Variants in ERCC2 observed in about 807,000 individuals in gnomAD.
The protein encoded by ERCC2 is ERCC excision repair 2, TFIIH core complex helicase subunit, also known as general transcription and DNA repair factor IIH helicase subunit XPD.
ERCC2 carries 90 observed loss-of-function variants against 99.4 expected under a neutral mutation model. The ratio of observed to expected loss-of-function variants is 0.91; its 90% CI spans 0.76 to 1.08. ERCC2 has a LOEUF of 1.08. Among genes scored for constraint, ERCC2 ranks in the 50% least tolerant of loss-of-function variants. The pLI is 0.00. For missense variants in ERCC2, 993 were observed against 1,038.1 expected, an observed-to-expected ratio of 0.96 and a Z score of 0.60; for synonymous variants, 497 against 432.4, an observed-to-expected ratio of 1.15 and a Z score of -1.85.
At chr19:45,369,266 G>A in intron 2 of ERCC2, 119 bp from the exon 3 acceptor site, 2 of 803,786 alleles carry the variant, frequency 2.5e-6, no homozygotes. Context: ...TAACACAGCA[G>A]CAGTTAAGAT....
Position 45,350,469 on chromosome 19 carries a change from G to A in ERCC2, c.*1160C>T. ...CCCCTGTCTGTCTTCCCTCCTGGTG[G>A]CTTCTCTATGTCCCCATCTCAGTGT... On this transcript the variant is annotated 3_prime_UTR_variant, in exon 23 of 23. Coordinates refer to ENST00000391945, the MANE Select transcript of ERCC2 (RefSeq NM_000400.4). 1 of 1,613,350 alleles carries A rather than the reference G, an allele frequency of 6.2e-7. No homozygotes were observed. Among genetic ancestry groups the A allele is most frequent in the Non-Finnish European group, 8.5e-7 (1 of 1,179,482 alleles).
At chr19:45,367,593 C>G (rs1972472790) in intron 5 of ERCC2, among the ~76,000 whole-genome samples, 1 of 151,166 alleles carries the variant, frequency 6.6e-6, no homozygotes, top group Non-Finnish European at 1.5e-5. Flanking sequence ...TCTCGGCTCA[C>G]TGCAACCTCC....
In ERCC2 at chr19:45,351,255, C is replaced by A; in HGVS notation, c.*374G>T. 1 of 1,605,454 alleles carries A rather than the reference C, an allele frequency of 6.2e-7. No individual in the cohort carries two copies. Among genetic ancestry groups the A allele is most frequent in the Non-Finnish European group, 8.5e-7 (1 of 1,176,092 alleles). On this transcript the variant is annotated 3_prime_UTR_variant, in exon 23 of 23. Transcript: ENST00000391945. ...GGATGTAACACTTGCCCCTCACCTCCCCTCCAACCATCCCCTGTGCCTGTC... is the reference window on the plus strand; with the variant it reads ...GGATGTAACACTTGCCCCTCACCTCACCTCCAACCATCCCCTGTGCCTGTC...
intron 22 of ERCC2, 29 bp from the exon 23 acceptor site, chr19:45,351,750 G>A (rs1361251672): frequency 6.2e-7 from 1 of 1,602,792 alleles, no homozygotes; most frequent in Non-Finnish European, 8.5e-7. Flanking sequence ...AGGGAGAGGG[G>A]GGCACTGTTG....
At chr19:45,362,313 G>A (rs908902790) in intron 11 of ERCC2, among the ~76,000 whole-genome samples, 18 of 152,262 alleles carry the variant, frequency 1.2e-4, no homozygotes, top group South Asian at 6.2e-4. Context: ...ACATGGTCAC[G>A]CATTCACACC....
At chr19:45,361,766 G>T in intron 11 of ERCC2, 124 bp from the exon 12 acceptor site, 1 of 763,038 alleles carries the variant, frequency 1.3e-6, no homozygotes, top group Non-Finnish European at 2.3e-6. Flanking sequence ...CAGTGAGGGT[G>T]GGCACTGGGC....
intron 5 of ERCC2, among the ~76,000 whole-genome samples, chr19:45,366,751 T>C (rs1008569557): frequency 6.6e-6 from 1 of 152,210 alleles, no homozygotes; most frequent in Non-Finnish European, 1.5e-5. Context: ...CTCTTTGTCA[T>C]CCACTAGATG....
In ERCC2 at chr19:45,350,447, C is replaced by T. The variant is rs1971679593; in HGVS notation, c.*1182G>A. The T allele has an allele frequency of 6.2e-7, 1 of 1,613,328 alleles. No individual in the cohort carries two copies. On this transcript the variant is annotated 3_prime_UTR_variant, in exon 23 of 23. Transcript: ENST00000391945. ...GCCCCTCTCGGTGAGCCCCTAGCCC[C>T]TGTCTGTCTTCCCTCCTGGTGGCTT...
Position 45,353,153 on chromosome 19 carries a change from G to A in ERCC2, c.1761C>T (p.Ala587=), listed in dbSNP as rs1222833045. ...GGATGGCCCCGCGGCCATTCTCGCA[G>A]GCCTGAGGTGGGGAGACCGAGACGC... is the stretch of plus-strand genomic sequence containing the variant. ...TSVALEKYQE[A]CENGRGAILL... Residue 587 remains alanine, a splice_region_variant and synonymous_variant, in exon 19 of 23, where the codon GCC becomes GCT. Coordinates refer to ENST00000391945, the MANE Select transcript of ERCC2 (RefSeq NM_000400.4). 5 of 1,613,806 alleles carry A rather than the reference G, an allele frequency of 3.1e-6. No homozygotes were observed. In the Admixed American group the frequency reaches 6.7e-5, roughly 22 times the overall value.
chr19:45,352,186 C>A (rs371393292), intron 22 of ERCC2, 23 bp downstream of exon 22: 6 of 1,612,162 alleles, frequency 3.7e-6, no homozygotes, highest in Non-Finnish European at 5.1e-6. Context: ...GGGAGGGTGC[C>A]GGGAGGGGGA....
At chr19:45,359,778 CTCT>C (rs368930991) in intron 12 of ERCC2, among the ~76,000 whole-genome samples, 1,970 of 151,450 alleles carry the variant, frequency 0.013, 30 homozygotes, top group African/African-American at 0.033. Flanking sequence ...GCCAGAAGAA[CTCT>C]TTTTTTTTTT....
intron 21 of ERCC2, 28 bp from the exon 22 acceptor site, chr19:45,352,380 A>G: frequency 6.2e-7 from 1 of 1,613,816 alleles, no homozygotes; most frequent in Non-Finnish European, 8.5e-7. Context: ...GGCCAGGGAC[A>G]GAAGGTCATT....
rs1460876382 is a variant in ERCC2 at position 45,351,500 on chromosome 19, G to A, written c.*129C>T. On this transcript the variant is annotated 3_prime_UTR_variant, in exon 23 of 23. Transcript: ENST00000391945. ...ATAGCTGCCTTCTCCTGCGATTAAA[G>A]GCTGTGGACGTGACAGTGAGAAATG... is the stretch of plus-strand genomic sequence containing the variant. 1.9e-6 allele frequency: 3 copies of A among 1,594,490 alleles called. No individual in the cohort carries two copies. The highest frequency in any genetic ancestry group is 2.7e-5 in the African/African-American group (2 of 74,664).
At chr19:45,363,959 G>GT in intron 10 of ERCC2, 27 bp downstream of exon 10, 3 of 1,455,544 alleles carry the variant, frequency 2.1e-6, no homozygotes, top group Non-Finnish European at 2.7e-6. Context: ...GAAAGGGACT[G>GT]GGGGGCAGCG....
chr19:45,360,057 G>A (rs901281068), intron 12 of ERCC2, among the ~76,000 whole-genome samples: 2 of 150,512 alleles, frequency 1.3e-5, no homozygotes, highest in Admixed American at 6.6e-5. Context: ...TTACAGACAT[G>A]AGCCACTATG....
chr19:45,350,149 T>C lies in ERCC2; in HGVS notation c.*1480A>G, dbSNP rs1390862157. On this transcript the variant is annotated 3_prime_UTR_variant, in exon 23 of 23. Transcript: ENST00000391945. ...GCACATTAGAAAGTGGGGCCAGACGTGGTGGTTCACGCTTGTAACCCCAAC... is the reference window on the plus strand; with the variant it reads ...GCACATTAGAAAGTGGGGCCAGACGCGGTGGTTCACGCTTGTAACCCCAAC... 3.4e-6 allele frequency: 2 copies of C among 591,380 alleles called. No homozygotes were observed. Among genetic ancestry groups the C allele is most frequent in the Non-Finnish European group, 6.0e-6 (2 of 334,050 alleles). The allele number at this position is 591,380 out of a possible 1,614,324, so 36.6% of individuals were successfully genotyped here.
intron 12 of ERCC2, chr19:45,358,114 C>T (rs1463509587): frequency 1.4e-5 from 4 of 290,654 alleles, no homozygotes; most frequent in East Asian, 1.7e-4. Context: ...GGCATGATCT[C>T]GGCTCACTGC....
In ERCC2 at chr19:45,363,778, C is replaced by T. The variant is rs2123285412; in HGVS notation, c.1083G>A (p.Leu361=). 6.5e-7 allele frequency: 1 copy of T among 1,537,964 alleles called. No individual in the cohort carries two copies. Among genetic ancestry groups the T allele is most frequent in the Non-Finnish European group, 8.7e-7 (1 of 1,148,330 alleles). The change falls in exon 11 of 23, where the codon CTG becomes CTA. Residue 361 remains leucine (L), a synonymous_variant. Coordinates refer to ENST00000391945, the MANE Select transcript of ERCC2 (RefSeq NM_000400.4). The stretch of plus-strand genomic sequence containing the variant: ...TGCGCTGGATGCACACGCGCTGGGC[C>T]AGGCCGCTCAGGAAGGCGGGCGGGC... ...QESPPAFLSG[L]AQRVCIQRKP... is the part of the protein sequence containing the mutation.
In ERCC2 at chr19:45,357,253, T is replaced by C. The variant is rs1239363762; in HGVS notation, c.1479+17A>G. The C allele has an allele frequency of 3.1e-6, 5 of 1,593,888 alleles. No homozygotes were observed. Among genetic ancestry groups the C allele is most frequent in the Non-Finnish European group, 4.3e-6 (5 of 1,163,234 alleles). ...CCATCTCCCCTCCCGGCCCCAGCCC[T>C]AGCCTCTCCCACTCACCATAGGGCA... On this transcript the variant is annotated intron_variant, in intron 15 of 22. Coordinates refer to ENST00000391945, the MANE Select transcript of ERCC2 (RefSeq NM_000400.4).
Sources: gnomAD v4.1 joint callset for allele counts (sites outside exome capture counted in the v4.1 genomes callset) on GRCh38, gnomAD v4.1.1 for gene constraint, MANE v1.5 for transcripts, NCBI Gene and HGNC (gene_info 2026-07-23, HGNC 2026-07-21) for gene names.